Variants in KIF2B observed in about 807,000 individuals in gnomAD.
The protein encoded by KIF2B is kinesin-like protein KIF2B.
KIF2B carries 5 observed loss-of-function variants against 6.8 expected under a neutral mutation model. That is an observed-to-expected ratio of 0.74 (90% CI 0.39 to 1.55). The LOEUF (loss-of-function observed/expected upper bound fraction) is 1.55, where lower values mean the gene tolerates loss of function less well. Among genes scored for constraint, KIF2B ranks in the 40% most tolerant of loss-of-function variants. KIF2B has a pLI of 0.03. For missense variants in KIF2B, 908 were observed against 831.3 expected, an observed-to-expected ratio of 1.09 and a Z score of -1.13; for synonymous variants, 370 against 330.7, an observed-to-expected ratio of 1.12 and a Z score of -1.29.
At position 53,824,135 on chromosome 17, in the gene KIF2B, T is replaced by C. The variant is rs1236050054; in HGVS notation, c.1102T>C (p.Leu368=). The change falls in exon 1 of 1, where the codon TTG becomes CTG. Residue 368 remains leucine (L), a synonymous_variant. Coordinates refer to ENST00000268919, the MANE Select transcript of KIF2B (RefSeq NM_032559.5). ...TTATGGGGGCAAGGTGTATGATTTG[T>C]TGAACTGGAAGAAGAAGCTGCAAGT... ...EIYGGKVYDL[L]NWKKKLQVLE... 6.2e-7 allele frequency: 1 copy of C among 1,614,196 alleles called. No individual in the cohort carries two copies. The highest frequency in any genetic ancestry group is 1.1e-5 in the South Asian group (1 of 91,086).
In KIF2B at chr17:53,823,093, G is replaced by A; in HGVS notation, c.60G>A (p.Lys20=). 6.2e-7 allele frequency: 1 copy of A among 1,614,164 alleles called. No individual in the cohort carries two copies. The highest frequency in any genetic ancestry group is 8.5e-7 in the Non-Finnish European group (1 of 1,180,030). Residue 20 remains lysine, a synonymous_variant, in exon 1 of 1, where the codon AAG becomes AAA. Coordinates refer to ENST00000268919, the MANE Select transcript of KIF2B (RefSeq NM_032559.5). The part of the protein sequence containing the change: ...SPCLSPLKPL[K]PHFGDIQEGI... ...GTCTCTCGCCCCTGAAACCCTTGAAGCCACATTTCGGAGACATCCAAGAGG... is the reference window on the plus strand; with the variant it reads ...GTCTCTCGCCCCTGAAACCCTTGAAACCACATTTCGGAGACATCCAAGAGG...
rs186833308 is a variant in KIF2B at position 53,824,540 on chromosome 17, C to A, written c.1507C>A (p.Leu503Ile). Reference protein sequence around the residue: ...PFRASKLTLVLRDSFIGQNSS... With the variant: ...PFRASKLTLVIRDSFIGQNSS... ...CAGAGCCAGCAAACTCACACTGGTG[C>A]TCCGGGACTCCTTTATAGGCCAGAA... Residue 503 changes from leucine (L) to isoleucine (I), a missense_variant, in exon 1 of 1, where the codon CTC becomes ATC. Coordinates refer to ENST00000268919, the MANE Select transcript of KIF2B (RefSeq NM_032559.5). 9 of 1,614,162 alleles carry A rather than the reference C, an allele frequency of 5.6e-6. No individual in the cohort carries two copies.
Position 53,824,796 on chromosome 17 carries a change from A to C in KIF2B, c.1763A>C (p.Gln588Pro). 1.2e-6 allele frequency: 2 copies of C among 1,614,096 alleles called. 1 individual carries two copies. Among genetic ancestry groups the C allele is most frequent in the Non-Finnish European group, 1.7e-6 (2 of 1,179,980 alleles). Residue 588 changes from glutamine (Q) to proline (P), a missense_variant, in exon 1 of 1, where the codon CAG (glutamine) becomes CCG (proline). Physicochemically the swap from Gln to Pro is moderately conservative, Grantham distance 76. Coordinates refer to ENST00000268919, the MANE Select transcript of KIF2B (RefSeq NM_032559.5). ...GAATTTATTAAAATACCTTATGTAC[A>C]GAGTGAGGAGCAGAAAGAGATTGAA... ...RDEFIKIPYV[Q>P]SEEQKEIEEV...
At position 53,823,400 on chromosome 17, in the gene KIF2B, A is replaced by G. The variant is rs1368812806; in HGVS notation, c.367A>G (p.Asn123Asp). 3 of 1,614,028 alleles carry G rather than the reference A, an allele frequency of 1.9e-6. No homozygotes were observed. The highest frequency in any genetic ancestry group is 2.5e-6 in the Non-Finnish European group (3 of 1,180,006). Residue 123 changes from asparagine to aspartate, a missense_variant, in exon 1 of 1, where the codon AAC becomes GAC. Asn to Asp is a conservative substitution (Grantham distance 23). Transcript: ENST00000268919. ...TKWVAMIPQK[N>D]QTASGDSLDV... ...ATGGGTTGCGATGATCCCCCAGAAA[A>G]ACCAAACAGCCTCAGGGGACAGCCT...
rs1350669205 is a variant in KIF2B, at chr17:53,823,572, C to T, written c.539C>T (p.Thr180Ile). Reference sequence around the variant, plus strand: ...GCTAGACGCGCCCTCGATGTCAATACCAGAAACCCCAACTACGAAATCATG... The same window carrying T: ...GCTAGACGCGCCCTCGATGTCAATATCAGAAACCCCAACTACGAAATCATG... ...IRARRALDVNTRNPNYEIMHM... is the reference protein window; with the variant it reads ...IRARRALDVNIRNPNYEIMHM... Residue 180 changes from threonine (T) to isoleucine (I), a missense_variant, in exon 1 of 1, where the codon ACC becomes ATC. Physicochemically the swap from Thr to Ile is moderately conservative, Grantham distance 89. Coordinates refer to ENST00000268919, the MANE Select transcript of KIF2B (RefSeq NM_032559.5). 1.2e-6 allele frequency: 2 copies of T among 1,613,242 alleles called. No homozygotes were observed. Among genetic ancestry groups the T allele is most frequent in the South Asian group, 1.1e-5 (1 of 91,086 alleles).
In KIF2B at chr17:53,824,350, G is replaced by T; in HGVS notation, c.1317G>T (p.Met439Ile). The T allele has an allele frequency of 6.2e-7, 1 of 1,614,022 alleles. No homozygotes were observed. Among genetic ancestry groups the T allele is most frequent in the Non-Finnish European group, 8.5e-7 (1 of 1,180,026 alleles). ...FQIILKSGRI[M>I]HGKFSLVDLA... ...TCATCCTGAAGTCAGGACGGATAAT[G>T]CATGGCAAGTTTTCCCTCGTTGATT... The change falls in exon 1 of 1, where the codon ATG becomes ATT. Residue 439 changes from methionine (M) to isoleucine (I), a missense_variant. Transcript: ENST00000268919.
In KIF2B at chr17:53,823,538, G is replaced by A. The variant is rs1906464974; in HGVS notation, c.505G>A (p.Glu169Lys). 1.2e-6 allele frequency: 2 copies of A among 1,613,808 alleles called. No homozygotes were observed. Among genetic ancestry groups the A allele is most frequent in the South Asian group, 2.2e-5 (2 of 91,088 alleles). The part of the protein sequence containing the change: ...QREKRRRLQQ[E>K]IRARRALDVN... Reference sequence around the variant, plus strand: ...GGAAAAGCGCAGGCGGCTGCAGCAGGAGATCCGAGCTAGACGCGCCCTCGA... The same window carrying A: ...GGAAAAGCGCAGGCGGCTGCAGCAGAAGATCCGAGCTAGACGCGCCCTCGA... Residue 169 changes from glutamate (E) to lysine (K), a missense_variant, in exon 1 of 1, where the codon GAG becomes AAG. By Grantham distance (56) the Glu-to-Lys change is moderately conservative. Transcript: ENST00000268919.
chr17:53,824,949 C>T lies in KIF2B; in HGVS notation c.1916C>T (p.Ala639Val). The change falls in exon 1 of 1, where the codon GCC becomes GTC. Residue 639 changes from alanine (A) to valine (V), a missense_variant. Ala to Val is a moderately conservative substitution (Grantham distance 64). Coordinates refer to ENST00000268919, the MANE Select transcript of KIF2B (RefSeq NM_032559.5). ...CACCATGATATTGATTTTTGCATTGCCCGGTCTTTGTCCATTTTGGAGCAG... is the reference window on the plus strand; with the variant it reads ...CACCATGATATTGATTTTTGCATTGTCCGGTCTTTGTCCATTTTGGAGCAG... The part of the protein sequence containing the change: ...GVHHDIDFCI[A>V]RSLSILEQKI... 6.2e-7 allele frequency: 1 copy of T among 1,614,014 alleles called. No homozygotes were observed. The highest frequency in any genetic ancestry group is 1.1e-5 in the South Asian group (1 of 91,068).
rs1906448602 is a variant in KIF2B, at chr17:53,823,202, A to T, written c.169A>T (p.Thr57Ser). Residue 57 changes from threonine (T) to serine (S), a missense_variant, in exon 1 of 1, where the codon ACG becomes TCG. Coordinates refer to ENST00000268919, the MANE Select transcript of KIF2B (RefSeq NM_032559.5). ...GATCAACAGAGAAAACTATTGGGTC[A>T]CGGTAGAGTGGGTGGAGAAAGCAGT... ...TEINRENYWV[T>S]VEWVEKAVKK... 2 of 1,614,190 alleles carry T rather than the reference A, an allele frequency of 1.2e-6. No individual in the cohort carries two copies. The highest frequency in any genetic ancestry group is 1.7e-6 in the Non-Finnish European group (2 of 1,180,042).
At position 53,824,643 on chromosome 17, in the gene KIF2B, C is replaced by T. The variant is rs2143786263; in HGVS notation, c.1610C>T (p.Ala537Val). The change falls in exon 1 of 1, where the codon GCA becomes GTA. Residue 537 changes from alanine to valine, a missense_variant. Ala to Val is a moderately conservative substitution (Grantham distance 64). Transcript: ENST00000268919. The part of the protein sequence containing the change: ...CENTLNTLRY[A>V]NRVKKLNVDV... Reference sequence around the variant, plus strand: ...AACACTCTCAACACTTTAAGATATGCAAACAGAGTAAAAAAATTAAATGTA... The same window carrying T: ...AACACTCTCAACACTTTAAGATATGTAAACAGAGTAAAAAAATTAAATGTA... The T allele has an allele frequency of 9.3e-6, 15 of 1,614,076 alleles. No homozygotes were observed. Among genetic ancestry groups the T allele is most frequent in the Non-Finnish European group, 1.3e-5 (15 of 1,180,006 alleles).
Position 53,824,035 on chromosome 17 carries a change from G to C in KIF2B, c.1002G>C (p.Gln334His), listed in dbSNP as rs776518923. 1 of 1,614,226 alleles carries C rather than the reference G, an allele frequency of 6.2e-7. No homozygotes were observed. The highest frequency in any genetic ancestry group is 1.1e-5 in the South Asian group (1 of 91,088). Residue 334 changes from glutamine (Q) to histidine (H), a missense_variant, in exon 1 of 1, where the codon CAG becomes CAC. Gln to His is a conservative substitution (Grantham distance 24). Transcript: ENST00000268919. ...AGGGCATTTATGCTCTGGTGGCACA[G>C]GATGTCTTTCTCCTGCTCAGAAACT... is the stretch of plus-strand genomic sequence containing the variant. ...CSKGIYALVA[Q>H]DVFLLLRNST...
rs2143787075 is a variant in KIF2B at position 53,824,803 on chromosome 17, G to A, written c.1770G>A (p.Glu590=). The A allele has an allele frequency of 6.2e-7, 1 of 1,613,972 alleles. No individual in the cohort carries two copies. The highest frequency in any genetic ancestry group is 8.5e-7 in the Non-Finnish European group (1 of 1,179,942). The change falls in exon 1 of 1, where the codon GAG becomes GAA. Residue 590 remains glutamate, a synonymous_variant. Transcript: ENST00000268919. ...TTAAAATACCTTATGTACAGAGTGA[G>A]GAGCAGAAAGAGATTGAAGAGGTTG... ...EFIKIPYVQS[E]EQKEIEEVET...
rs1341676428 is a variant in KIF2B, at chr17:53,823,968, C to T, written c.935C>T (p.Thr312Ile). The change falls in exon 1 of 1, where the codon ACC becomes ATC. Residue 312 changes from threonine (T) to isoleucine (I), a missense_variant. Thr to Ile is a moderately conservative substitution (Grantham distance 89). Transcript: ENST00000268919. The part of the protein sequence containing the change: ...YGQTGSGKTY[T>I]MGGDFSGTAQ... ...CAGACGGGAAGTGGGAAGACGTACA[C>T]CATGGGTGGAGACTTTTCAGGAACG... is the stretch of plus-strand genomic sequence containing the variant. The T allele has an allele frequency of 3.1e-6, 5 of 1,614,088 alleles. No homozygotes were observed. In the African/African-American group the frequency reaches 5.3e-5, roughly 17 times the overall value.
At position 53,824,698 on chromosome 17, in the gene KIF2B, T is replaced by C; in HGVS notation, c.1665T>C (p.Tyr555=). 6.2e-7 allele frequency: 1 copy of C among 1,614,178 alleles called. No individual in the cohort carries two copies. Among genetic ancestry groups the C allele is most frequent in the Non-Finnish European group, 8.5e-7 (1 of 1,180,012 alleles). ...TAAGGCCCTACCATCGTGGCCACTA[T>C]CCGATTGGACATGAGGCACCAAGGA... ...VDVRPYHRGH[Y]PIGHEAPRML... The change falls in exon 1 of 1, where the codon TAT becomes TAC. Residue 555 remains tyrosine (Y), a synonymous_variant. Transcript: ENST00000268919.
rs766279989 is a variant in KIF2B, at chr17:53,823,719, C to T, written c.686C>T (p.Thr229Ile). 1 of 1,614,218 alleles carries T rather than the reference C, an allele frequency of 6.2e-7. No individual in the cohort carries two copies. The highest frequency in any genetic ancestry group is 8.5e-7 in the Non-Finnish European group (1 of 1,180,046). Reference sequence around the variant, plus strand: ...CGGCCTCTCAACCAGCGAGAGACAACCTTAAAGGACCTGGATATCATCACC... The same window carrying T: ...CGGCCTCTCAACCAGCGAGAGACAATCTTAAAGGACCTGGATATCATCACC... ...RKRPLNQRETTLKDLDIITVP... is the reference protein window; with the variant it reads ...RKRPLNQRETILKDLDIITVP... The change falls in exon 1 of 1, where the codon ACC becomes ATC. Residue 229 changes from threonine to isoleucine, a missense_variant. Coordinates refer to ENST00000268919, the MANE Select transcript of KIF2B (RefSeq NM_032559.5).
Position 53,824,449 on chromosome 17 carries a change from C to T in KIF2B, c.1416C>T (p.Asn472=), listed in dbSNP as rs1426681296. ...RKRQLEGAEI[N]KSLLALKECI... is the part of the protein sequence containing the mutation. ...GGCAGCTGGAAGGGGCAGAGATTAA[C>T]AAGAGTCTTCTAGCCCTCAAAGAAT... is the stretch of plus-strand genomic sequence containing the variant. Residue 472 remains asparagine, a synonymous_variant, in exon 1 of 1, where the codon AAC becomes AAT. Transcript: ENST00000268919. 4 of 1,613,960 alleles carry T rather than the reference C, an allele frequency of 2.5e-6. No individual in the cohort carries two copies. Among genetic ancestry groups the T allele is most frequent in the East Asian group, 2.2e-5 (1 of 44,868 alleles).
rs1906478133 is a variant in KIF2B at position 53,823,825 on chromosome 17, C to T, written c.792C>T (p.Phe264=). The T allele has an allele frequency of 6.2e-7, 1 of 1,614,236 alleles. No individual in the cohort carries two copies. Among genetic ancestry groups the T allele is most frequent in the African/African-American group, 1.3e-5 (1 of 75,062 alleles). ...CTCGCTACCTGCAGAACCAGACCTTCTGCTTCGACCATGCCTTCGATGACA... is the reference window on the plus strand; with the variant it reads ...CTCGCTACCTGCAGAACCAGACCTTTTGCTTCGACCATGCCTTCGATGACA... ...DLTRYLQNQT[F]CFDHAFDDKA... is the part of the protein sequence containing the mutation. Residue 264 remains phenylalanine, a synonymous_variant, in exon 1 of 1, where the codon TTC becomes TTT. Transcript: ENST00000268919.
Position 53,823,712 on chromosome 17 carries a change from G to C in KIF2B, c.679G>C (p.Glu227Gln), listed in dbSNP as rs1226474062. Residue 227 changes from glutamate (E) to glutamine (Q), a missense_variant, in exon 1 of 1, where the codon GAG (glutamate) becomes CAG (glutamine). Physicochemically the swap from Glu to Gln is conservative, Grantham distance 29 (BLOSUM62 2). Coordinates refer to ENST00000268919, the MANE Select transcript of KIF2B (RefSeq NM_032559.5). The stretch of plus-strand genomic sequence containing the variant: ...GAGGAAGCGGCCTCTCAACCAGCGA[G>C]AGACAACCTTAAAGGACCTGGATAT... ...CVRKRPLNQR[E>Q]TTLKDLDIIT... The C allele has an allele frequency of 1.9e-6, 3 of 1,614,212 alleles. No homozygotes were observed. The highest frequency in any genetic ancestry group is 1.7e-4 in the Middle Eastern group (1 of 6,060).
rs2143778723 is a variant in KIF2B at position 53,823,299 on chromosome 17, C to T, written c.266C>T (p.Pro89Leu). The change falls in exon 1 of 1, where the codon CCC (proline) becomes CTC (leucine). Residue 89 changes from proline (P) to leucine (L), a missense_variant. Pro to Leu is a moderately conservative substitution (Grantham distance 98). Transcript: ENST00000268919. The stretch of plus-strand genomic sequence containing the variant: ...CCAGCTCTGGACTCTGCTGAACACC[C>T]CATGCCGCCCCCGCCCTTATCCCCC... ...LNPALDSAEH[P>L]MPPPPLSPLA... The T allele has an allele frequency of 6.2e-7, 1 of 1,614,142 alleles. No homozygotes were observed. The highest frequency in any genetic ancestry group is 8.5e-7 in the Non-Finnish European group (1 of 1,180,030).
Sources: gnomAD v4.1 joint callset for allele counts on GRCh38, gnomAD v4.1.1 for gene constraint, MANE v1.5 for transcripts, NCBI Gene and HGNC (gene_info 2026-07-23, HGNC 2026-07-21) for gene names.